Variants in MYBPC1 observed in about 807,000 individuals in gnomAD.
MYBPC1 encodes the protein myosin binding protein C1.
Under a neutral mutation model 147.1 loss-of-function variants are expected in MYBPC1, and 52 were observed. The observed-to-expected ratio is 0.35, with a 90% CI of 0.28 to 0.45. MYBPC1 has a LOEUF of 0.45. Ranked by LOEUF, MYBPC1 falls within the 20% of genes least tolerant of loss-of-function variation. The pLI is 1.00. For missense variants in MYBPC1, 1,228 were observed against 1,440.3 expected (o/e 0.85, Z 2.39); for synonymous variants, 477 against 475.9 (o/e 1.00, Z -0.03).
intron 1 of MYBPC1, among the ~76,000 whole-genome samples, chr12:101,600,693 A>T (rs2135554446): frequency 6.6e-6 from 1 of 152,292 alleles, no homozygotes. Context: ...AAGAATTTTG[A>T]TTATAATTAA....
chr12:101,682,798 G>C, intron 30 of MYBPC1, 136 bp downstream of exon 30: 2 of 807,714 alleles, frequency 2.5e-6, no homozygotes, highest in Admixed American at 2.3e-5. Flanking sequence ...GGCATACAGT[G>C]CTTATGCCAT....
rs766358709 is a variant in MYBPC1 at position 101,678,090 on chromosome 12, C to T, written c.3110-12C>T. On this transcript the variant is annotated splice_polypyrimidine_tract_variant and intron_variant, in intron 27 of 31. Coordinates refer to ENST00000361466, the MANE Select transcript of MYBPC1 (RefSeq NM_002465.4). Reference sequence around the variant, plus strand: ...ACATAATTTTAACATATTTGTAATGCTTGTTTTTAAGGTAAAATCTACAAA... The same window carrying T: ...ACATAATTTTAACATATTTGTAATGTTTGTTTTTAAGGTAAAATCTACAAA... 5 of 1,610,238 alleles carry T rather than the reference C, an allele frequency of 3.1e-6. No individual in the cohort carries two copies. In the East Asian group the frequency reaches 8.9e-5, roughly 29 times the overall value.
downstream of MYBPC1, among the ~76,000 whole-genome samples, chr12:101,688,078 C>T (rs1232956408): frequency 1.3e-5 from 2 of 152,052 alleles, no homozygotes; most frequent in Non-Finnish European, 2.9e-5. Flanking sequence ...TAAAAAATTA[C>T]GTATCACAGG....
chr12:101,604,040 T>G (rs778017195), intron 1 of MYBPC1, among the ~76,000 whole-genome samples: 22 of 152,244 alleles, frequency 1.4e-4, no homozygotes, highest in Non-Finnish European at 2.4e-4. Context: ...TTTTGACCTA[T>G]GCTAAAATTT....
intron 7 of MYBPC1, 137 bp from the exon 8 acceptor site, chr12:101,631,884 G>A (rs1166155823): frequency 6.9e-6 from 9 of 1,295,466 alleles, no homozygotes; most frequent in African/African-American, 2.9e-5. Context: ...CTGTGTCCGG[G>A]GGCTACAGGA....
chr12:101,603,164 G>A (rs1359128742), intron 1 of MYBPC1, among the ~76,000 whole-genome samples: 4 of 151,648 alleles, frequency 2.6e-5, no homozygotes, highest in African/African-American at 9.6e-5. Flanking sequence ...GACCAACATG[G>A]AAAAACCCCA....
At chr12:101,688,953 C>CAAA (rs748533294), downstream of MYBPC1, among the ~76,000 whole-genome samples, 570 of 68,256 alleles carry the variant, frequency 8.4e-3, 9 homozygotes, top group African/African-American at 0.023. Flanking sequence ...GACCGTATCT[C>CAAA]AAAAAAAAAA....
intron 18 of MYBPC1, among the ~76,000 whole-genome samples, chr12:101,657,022 A>C (rs773341131): frequency 7.2e-5 from 11 of 152,224 alleles, no homozygotes; most frequent in Admixed American, 2.0e-4. Context: ...ATGGAATTAA[A>C]CTAAAAATAA....
At chr12:101,637,094 A>T in intron 10 of MYBPC1, 1 of 47,226 alleles carries the variant, frequency 2.1e-5, no homozygotes, top group Non-Finnish European at 3.7e-5. Context: ...AGGCAGACCT[A>T]CTTTAATGTA....
chr12:101,666,772 T>C, intron 22 of MYBPC1: 1 of 1,613,804 alleles, frequency 6.2e-7, no homozygotes, highest in Middle Eastern at 1.6e-4. Context: ...CTGATGAAAA[T>C]GGGGAGGCTG....
intron 9 of MYBPC1, 94 bp downstream of exon 9, chr12:101,634,699 A>G (rs1890642177): frequency 2.0e-6 from 2 of 1,023,088 alleles, no homozygotes; most frequent in Admixed American, 3.5e-5. Context: ...CCGTATTCCA[A>G]ATACGAACAA....
intron 17 of MYBPC1, 46 bp from the exon 18 acceptor site, chr12:101,653,069 C>T (rs1352128372): frequency 6.3e-7 from 1 of 1,598,554 alleles, no homozygotes; most frequent in African/African-American, 1.3e-5. Flanking sequence ...CAGATATTTA[C>T]ACAGAAATGA....
At chr12:101,631,232 TA>T (rs1157820263) in intron 6 of MYBPC1, among the ~76,000 whole-genome samples, 3 of 152,168 alleles carry the variant, frequency 2.0e-5, no homozygotes, top group Non-Finnish European at 2.9e-5. Context: ...CATATCCATA[TA>T]TGCAATAAAA....
chr12:101,668,756 C>T (rs1006328278), intron 23 of MYBPC1, among the ~76,000 whole-genome samples: 11 of 152,030 alleles, frequency 7.2e-5, no homozygotes, highest in Non-Finnish European at 1.0e-4. Flanking sequence ...TGAGCCACCA[C>T]GCCTGGCCCT....
intron 3 of MYBPC1, among the ~76,000 whole-genome samples, chr12:101,620,455 T>G (rs746079798): frequency 6.6e-6 from 1 of 152,202 alleles, no homozygotes; most frequent in Non-Finnish European, 1.5e-5. Flanking sequence ...CCTGCCCTCC[T>G]GGAGCCAAGT....
chr12:101,619,998 C>A (rs1887013431), intron 3 of MYBPC1, among the ~76,000 whole-genome samples: 1 of 152,180 alleles, frequency 6.6e-6, no homozygotes, highest in Non-Finnish European at 1.5e-5. Context: ...TGCTAAAAGT[C>A]TCTGTCTGGA....
rs922108494 is a variant in MYBPC1, at chr12:101,642,511, A to G, written c.758A>G (p.Gln253Arg). 9 of 1,613,892 alleles carry G rather than the reference A, an allele frequency of 5.6e-6. No individual in the cohort carries two copies. The highest frequency in any genetic ancestry group is 1.1e-5 in the South Asian group (1 of 90,924). The part of the protein sequence containing the change: ...KPSEYEKIAF[Q>R]YGITDLRGML... ...AGTGAGTACGAGAAGATCGCCTTCC[A>G]GTATGGAATCACCGACCTGCGCGGC... The change falls in exon 11 of 32, where the codon CAG becomes CGG. Residue 253 changes from glutamine (Q) to arginine (R), a missense_variant. This residue lies in a region of MYBPC1 where 1,077 missense variants were observed against 1,314.2 expected (regional missense o/e 0.82). Coordinates refer to ENST00000361466, the MANE Select transcript of MYBPC1 (RefSeq NM_002465.4).
At chr12:101,597,970 G>A (rs529434917) in intron 1 of MYBPC1, among the ~76,000 whole-genome samples, 7 of 150,892 alleles carry the variant, frequency 4.6e-5, no homozygotes, top group South Asian at 2.1e-4. Flanking sequence ...GTAAGTGCCC[G>A]AAAGTTAATT....
At position 101,646,134 on chromosome 12, in the gene MYBPC1, A is replaced by C. The variant is rs150273396; in HGVS notation, c.966-629A>C. ...AGTTAAAAATCTGACACCCTCAGCC[A>C]ACTCTATCTTCCAACAGTGGGTTAA... On this transcript the variant is annotated intron_variant, in intron 12 of 31. Coordinates refer to ENST00000361466, the MANE Select transcript of MYBPC1 (RefSeq NM_002465.4). Among the ~76,000 whole-genome samples the C allele has an allele frequency of 3.3e-3, 507 of 152,352 alleles. 3 individuals are homozygous for C. The highest frequency in any genetic ancestry group is 0.012 in the African/African-American group (488 of 41,582).
Sources: gnomAD v4.1 joint callset for allele counts (sites outside exome capture counted in the v4.1 genomes callset) on GRCh38, gnomAD v4.1.1 for gene constraint, gnomAD v4.1.1 regional missense constraint, MANE v1.5 for transcripts, NCBI Gene and HGNC (gene_info 2026-07-23, HGNC 2026-07-21) for gene names.